FAM131B: variants seen among roughly 807,000 people sequenced by gnomAD.
The protein encoded by FAM131B is family with sequence similarity 131 member B.
In FAM131B, 19 loss-of-function variants were observed where a neutral mutation model predicts 42.0. The ratio of observed to expected loss-of-function variants is 0.45; its 90% CI spans 0.32 to 0.66. FAM131B has a LOEUF of 0.66. Among genes scored for constraint, FAM131B ranks in the 30% least tolerant of loss-of-function variants. FAM131B has a pLI of 0.05. For synonymous variants in FAM131B, 183 were observed against 177.6 expected, an observed-to-expected ratio of 1.03 and a Z score of -0.24; for missense variants, 370 against 468.4, an observed-to-expected ratio of 0.79 and a Z score of 1.94.
the FAM131B span, among the ~76,000 whole-genome samples, chr7:143,376,287 T>C: frequency 1.3e-5 from 2 of 152,212 alleles, no homozygotes; most frequent in African/African-American, 4.8e-5. Context: ...TTAACACTTA[T>C]TATACTAAAA....
chr7:143,371,944 GTAGGTAGAGCC>G, the FAM131B span, among the ~76,000 whole-genome samples: 2 of 152,228 alleles, frequency 1.3e-5, no homozygotes, highest in Non-Finnish European at 2.9e-5. Context: ...TTGATTTGAT[GTAGGTAGAGCC>G]TAGGAAAGGT....
At position 143,353,421 on chromosome 7, in the gene FAM131B, G is replaced by A. The variant is rs898722401; in HGVS notation, c.*3129C>T. ...AGGATGCCACCACATTCTGTTTAGTGTCATTGAACACAGCCTGTAGCCTTC... is the reference window on the plus strand; with the variant it reads ...AGGATGCCACCACATTCTGTTTAGTATCATTGAACACAGCCTGTAGCCTTC... On this transcript the variant is annotated 3_prime_UTR_variant, in exon 7 of 7. Transcript: ENST00000443739. 3.9e-5 allele frequency: 6 copies of A among 152,048 alleles called. No homozygotes were observed. Among genetic ancestry groups the A allele is most frequent in the African/African-American group, 1.5e-4 (6 of 41,346 alleles). The allele number at this position is 152,048 out of a possible 1,614,324, so 9.4% of individuals were successfully genotyped here. A position where few individuals can be genotyped will look rare whatever the true frequency, so the allele number is the denominator to read the frequency against.
chr7:143,356,113 T>G lies in FAM131B; in HGVS notation c.*437A>C. The G allele has an allele frequency of 5.7e-6, 1 of 176,130 alleles. No individual in the cohort carries two copies. The highest frequency in any genetic ancestry group is 1.2e-5 in the Non-Finnish European group (1 of 82,486). 10.9% of individuals were successfully genotyped at this position (176,130 alleles called of 1,614,324 possible). A position where few individuals can be genotyped will look rare whatever the true frequency, so the allele number is the denominator to read the frequency against. On this transcript the variant is annotated 3_prime_UTR_variant, in exon 7 of 7. Coordinates refer to ENST00000443739, the MANE Select transcript of FAM131B (RefSeq NM_001031690.3). This position sits in a 1 kb window ranked among gnomAD's most constrained non-coding sequence, Gnocchi z 4.4. ...GGGGCCACAGCCAGAGAAAACAGAG[T>G]TGGGAAAAGCAAGAGTGAAATGGAG... is the stretch of plus-strand genomic sequence containing the variant.
At chr7:143,367,039 T>C (rs1211085310), upstream of FAM131B, among the ~76,000 whole-genome samples, 1 of 152,168 alleles carries the variant, frequency 6.6e-6, no homozygotes, top group African/African-American at 2.4e-5. Context: ...TATTCCCACA[T>C]AGTAGGAAGT....
At position 143,362,075 on chromosome 7, in the gene FAM131B, A is replaced by T; in HGVS notation, c.28+501T>A. On this transcript the variant is annotated intron_variant, in intron 1 of 6. Transcript: ENST00000443739. The surrounding 1 kb of genome is among the most constrained non-coding windows in gnomAD (Gnocchi z 7.7). ...AGTAAAAGGCAACGGAGAGGGAGAG[A>T]GAGATGGGGCAAAGCACCCGAGCCA... The T allele has an allele frequency of 1.0e-6, 1 of 984,880 alleles. No homozygotes were observed. The highest frequency in any genetic ancestry group is 1.2e-6 in the Non-Finnish European group (1 of 829,326). 61.0% of individuals were successfully genotyped at this position (984,880 alleles called of 1,614,324 possible). A position where few individuals can be genotyped will look rare whatever the true frequency, so the allele number is the denominator to read the frequency against.
the FAM131B span, chr7:143,381,322 T>TGGAGGCTGCTCCGGACCGGGACGC: frequency 1.8e-6 from 2 of 1,125,806 alleles, no homozygotes; most frequent in Non-Finnish European, 2.2e-6. Context: ...CCCGCCCGGC[T>TGGAGGCTGCTCCGGACCGGGACGC]GGAGGCTGCT....
At chr7:143,379,498 T>G in the FAM131B span, among the ~76,000 whole-genome samples, 1 of 152,198 alleles carries the variant, frequency 6.6e-6, no homozygotes. Flanking sequence ...GATTAAGATG[T>G]CGTCCTAGGT....
At chr7:143,381,509 G>A in the FAM131B span, 1 of 1,544,326 alleles carries the variant, frequency 6.5e-7, no homozygotes, top group Non-Finnish European at 8.7e-7. Context: ...GACCGCCTGG[G>A]GCTCCTGAGC....
the FAM131B span, chr7:143,382,170 G>T: frequency 1.6e-6 from 2 of 1,244,154 alleles, no homozygotes; most frequent in African/African-American, 1.5e-5. Context: ...TGGGTTAGGG[G>T]TTAGAGCGGT....
At chr7:143,366,099 T>C (rs1804175493), upstream of FAM131B, among the ~76,000 whole-genome samples, 1 of 152,182 alleles carries the variant, frequency 6.6e-6, no homozygotes, top group East Asian at 1.9e-4. Flanking sequence ...AAATCTATTC[T>C]GGATGTTGTA....
upstream of FAM131B, among the ~76,000 whole-genome samples, chr7:143,367,199 G>A (rs1401495414): frequency 6.6e-6 from 1 of 152,244 alleles, no homozygotes; most frequent in Non-Finnish European, 1.5e-5. Context: ...GGCTCAGCCA[G>A]TTAGTTATAG....
At chr7:143,378,073 T>C in the FAM131B span, among the ~76,000 whole-genome samples, 2 of 152,262 alleles carry the variant, frequency 1.3e-5, no homozygotes, top group African/African-American at 4.8e-5. Flanking sequence ...CTAAGCATTC[T>C]CTCAGCGTGT....
the FAM131B span, among the ~76,000 whole-genome samples, chr7:143,371,613 C>CAAAA: frequency 2.0e-4 from 15 of 74,990 alleles, no homozygotes; most frequent in Non-Finnish European, 2.9e-4. Flanking sequence ...GACCCTGTCT[C>CAAAA]AAAAAAAAAA....
chr7:143,359,314 C>T lies in FAM131B; in HGVS notation c.268+12G>A. 1.3e-6 allele frequency: 2 copies of T among 1,597,240 alleles called. No homozygotes were observed. Among genetic ancestry groups the T allele is most frequent in the Non-Finnish European group, 1.7e-6 (2 of 1,165,498 alleles). Reference sequence around the variant, plus strand: ...ATTTTGTCTGAAGGCATTCTTACATCAGGAGTCTCACCTGAGAATGATGAC... The same window carrying T: ...ATTTTGTCTGAAGGCATTCTTACATTAGGAGTCTCACCTGAGAATGATGAC... On this transcript the variant is annotated intron_variant, in intron 4 of 6. Transcript: ENST00000443739. This position sits in a 1 kb window ranked among gnomAD's most constrained non-coding sequence, Gnocchi z 5.4.
Position 143,362,658 on chromosome 7 carries a change from G to A in FAM131B, c.-55C>T, listed in dbSNP as rs1294412590. On this transcript the variant is annotated 5_prime_UTR_variant, in exon 1 of 7. Coordinates refer to ENST00000443739, the MANE Select transcript of FAM131B (RefSeq NM_001031690.3). The surrounding 1 kb of genome is among the most constrained non-coding windows in gnomAD (Gnocchi z 7.7). The stretch of plus-strand genomic sequence containing the variant: ...ACCGACTCGGGGCGCGCGCCGGGGG[G>A]AGCACCGGGAGCCGCGCCGCCGCCC... 2 of 1,068,758 alleles carry A rather than the reference G, an allele frequency of 1.9e-6. No homozygotes were observed. The highest frequency in any genetic ancestry group is 4.6e-5 in the Admixed American group (1 of 21,806). 66.2% of individuals were successfully genotyped at this position (1,068,758 alleles called of 1,614,324 possible).
the FAM131B span, among the ~76,000 whole-genome samples, chr7:143,375,638 G>C: frequency 6.6e-6 from 1 of 152,122 alleles, no homozygotes; most frequent in Admixed American, 6.5e-5. Flanking sequence ...CTTATTAAAG[G>C]AAGTGGAGGT....
chr7:143,382,097 C>A, the FAM131B span: 1 of 681,140 alleles, frequency 1.5e-6, no homozygotes, highest in African/African-American at 1.8e-5. Flanking sequence ...ACCTGGTACT[C>A]CCAGGGCGCC....
chr7:143,371,053 C>T, the FAM131B span, among the ~76,000 whole-genome samples: 1 of 152,168 alleles, frequency 6.6e-6, no homozygotes, highest in East Asian at 1.9e-4. Flanking sequence ...CCGGCTGCTC[C>T]TTCTTTGTCT....
At chr7:143,369,732 AC>A in the FAM131B span, among the ~76,000 whole-genome samples, 1 of 151,788 alleles carries the variant, frequency 6.6e-6, no homozygotes. Context: ...CTTACCAACC[AC>A]AATAAAATTA....
Sources: allele counts gnomAD v4.1 joint callset (sites outside exome capture counted in the v4.1 genomes callset), GRCh38; gene constraint gnomAD v4.1.1; non-coding constraint Gnocchi (gnomAD v3.1); transcripts MANE v1.5; gene names NCBI Gene and HGNC (gene_info 2026-07-23, HGNC 2026-07-21).